Variants in BBX observed in about 807,000 individuals in gnomAD.
BBX encodes the protein BBX high mobility group box domain containing, also known as HMG box transcription factor BBX.
BBX carries 30 observed loss-of-function variants against 100.2 expected under a neutral mutation model. The observed-to-expected ratio is 0.30, with a 90% CI of 0.22 to 0.41. BBX has a LOEUF of 0.41. Among genes scored for constraint, BBX ranks in the 10% least tolerant of loss-of-function variants. BBX has a pLI of 1.00. For missense variants in BBX, 1,023 were observed against 1,129.8 expected, an observed-to-expected ratio of 0.91 and a Z score of 1.35; for synonymous variants, 376 against 388.1, an observed-to-expected ratio of 0.97 and a Z score of 0.37.
At chr3:107,723,670 T>C (rs144749136) in intron 5 of BBX, among the ~76,000 whole-genome samples, 22,603 of 152,076 alleles carry the variant, frequency 0.15, 2,070 homozygotes, top group South Asian at 0.31. Context: ...ATTTGTTTTT[T>C]TGTCCTTGTG....
intron 2 of BBX, among the ~76,000 whole-genome samples, chr3:107,607,287 G>A (rs1286424225): frequency 6.6e-6 from 1 of 152,100 alleles, no homozygotes; most frequent in Admixed American, 6.5e-5. Flanking sequence ...GGTAGAGACA[G>A]GGTTTCACCG....
intron 3 of BBX, among the ~76,000 whole-genome samples, chr3:107,698,724 T>C (rs1043920717): frequency 6.6e-6 from 1 of 151,676 alleles, no homozygotes; most frequent in Admixed American, 6.6e-5. Context: ...GTTCGGTGAT[T>C]GATACAGGAG....
chr3:107,781,543 A>T (rs776262684), intron 13 of BBX, among the ~76,000 whole-genome samples: 5 of 152,114 alleles, frequency 3.3e-5, no homozygotes, highest in African/African-American at 4.8e-5. Flanking sequence ...GCTTTAAATT[A>T]TATGTCTAAA....
In BBX at chr3:107,632,537, G is replaced by T. The variant is rs1404327898; in HGVS notation, c.-83-13299G>T. 2.6e-5 allele frequency among the ~76,000 whole-genome samples: 4 copies of T among 152,082 alleles called. No individual in the cohort carries two copies. The East Asian group carries it at 5.8e-4, about 22-fold the overall frequency. On this transcript the variant is annotated intron_variant, in intron 2 of 17. Coordinates refer to ENST00000325805, the MANE Select transcript of BBX (RefSeq NM_001142568.3). ...ATTTTCTTTTATTGCTTTTATGTCA[G>T]ATGTTTGGAATAACCTTAAGAGAAG...
intron 2 of BBX, among the ~76,000 whole-genome samples, chr3:107,586,035 A>G (rs764866038): frequency 6.6e-6 from 1 of 152,130 alleles, no homozygotes. Context: ...CTTTCATATA[A>G]CTGTATTGTT....
chr3:107,561,596 A>G (rs1318644714), intron 2 of BBX, among the ~76,000 whole-genome samples: 2 of 152,212 alleles, frequency 1.3e-5, no homozygotes, highest in East Asian at 3.8e-4. Context: ...GTGGTCATAG[A>G]AAATACGCAT....
intron 2 of BBX, among the ~76,000 whole-genome samples, chr3:107,542,253 G>A (rs2048915835): frequency 6.6e-6 from 1 of 152,106 alleles, no homozygotes; most frequent in African/African-American, 2.4e-5. Flanking sequence ...TAGAACTCCA[G>A]AACTTCTATT....
At chr3:107,795,822 T>C (rs577069737) in intron 15 of BBX, among the ~76,000 whole-genome samples, 1 of 152,178 alleles carries the variant, frequency 6.6e-6, no homozygotes, top group Admixed American at 6.5e-5. Context: ...CAATCAACCC[T>C]TTTGCAGCTG....
intron 7 of BBX, among the ~76,000 whole-genome samples, chr3:107,743,683 A>G (rs995998582): frequency 5.3e-5 from 8 of 152,228 alleles, no homozygotes; most frequent in Non-Finnish European, 1.0e-4. Context: ...AGCTCTTTCC[A>G]TAGGATTTAT....
chr3:107,728,886 A>T lies in BBX; in HGVS notation c.527A>T (p.Asp176Val). 1 of 1,613,884 alleles carries T rather than the reference A, an allele frequency of 6.2e-7. No individual in the cohort carries two copies. The highest frequency in any genetic ancestry group is 8.5e-7 in the Non-Finnish European group (1 of 1,179,868). The part of the protein sequence containing the change: ...PRKKLWAFPS[D>V]SSRDLPSPKK... ...AAGAAACTTTGGGCCTTCCCATCTGACTCTTCAAGAGACTTGCCAAGCCCC... is the reference window on the plus strand; with the variant it reads ...AAGAAACTTTGGGCCTTCCCATCTGTCTCTTCAAGAGACTTGCCAAGCCCC... The change falls in exon 6 of 18, where the codon GAC becomes GTC. Residue 176 changes from aspartate to valine, a missense_variant. Physicochemically the swap from Asp to Val is radical, Grantham distance 152. Around this residue, in one of 9 missense-constraint regions of BBX, gnomAD observed 229 missense variants for 226.3 expected, o/e 1.01. Coordinates refer to ENST00000325805, the MANE Select transcript of BBX (RefSeq NM_001142568.3).
In BBX at chr3:107,526,179, C is replaced by G. The variant is rs607878; in HGVS notation, c.-155-148C>G. On this transcript the variant is annotated intron_variant, in intron 1 of 17. Coordinates refer to ENST00000325805, the MANE Select transcript of BBX (RefSeq NM_001142568.3). Reference sequence around the variant, plus strand: ...TTCTGTTCCCACAGTTCTCCAGTGTCGGGGGGTGGTAGAGAAAGGGGAGGG... The same window carrying G: ...TTCTGTTCCCACAGTTCTCCAGTGTGGGGGGGTGGTAGAGAAAGGGGAGGG... The G allele has an allele frequency of 1.8e-3, 701 of 395,614 alleles. 3 individuals carry two copies. The highest frequency in any genetic ancestry group is 0.013 in the African/African-American group (625 of 48,610). The allele number at this position is 395,614 out of a possible 1,614,324, so 24.5% of individuals were successfully genotyped here.
intron 5 of BBX, among the ~76,000 whole-genome samples, chr3:107,728,509 A>G (rs1331244125): frequency 1.3e-5 from 2 of 152,090 alleles, no homozygotes; most frequent in Admixed American, 6.6e-5. Flanking sequence ...TTTGGATACT[A>G]TTTTTTAAAG....
intron 5 of BBX, 47 bp downstream of exon 5, chr3:107,716,896 C>G (rs763964738): frequency 6.3e-7 from 1 of 1,590,582 alleles, no homozygotes; most frequent in Non-Finnish European, 8.6e-7. Flanking sequence ...GCAACCAGTC[C>G]TGAAACTCCC....
At chr3:107,542,309 A>G (rs1009586872) in intron 2 of BBX, among the ~76,000 whole-genome samples, 10 of 152,312 alleles carry the variant, frequency 6.6e-5, no homozygotes, top group South Asian at 2.1e-4. Flanking sequence ...TTATTTTAGA[A>G]TGTTTATTTC....
rs560842282 is a variant in BBX at position 107,526,493 on chromosome 3, G to T, written c.-84+95G>T. The T allele has an allele frequency of 1.5e-5, 6 of 396,358 alleles. No individual in the cohort carries two copies. In the South Asian group the frequency reaches 8.3e-4, roughly 55 times the overall value. The allele number at this position is 396,358 out of a possible 1,614,324, so 24.6% of individuals were successfully genotyped here. A position where few individuals can be genotyped will look rare whatever the true frequency, so the allele number is the denominator to read the frequency against. Reference sequence around the variant, plus strand: ...TCACAGAGGAAGATGCTTTATTGGGGTTACAGCACCCCAGAAACCTTGTCT... The same window carrying T: ...TCACAGAGGAAGATGCTTTATTGGGTTTACAGCACCCCAGAAACCTTGTCT... On this transcript the variant is annotated intron_variant, in intron 2 of 17. Transcript: ENST00000325805.
At chr3:107,594,165 C>A (rs1242915931) in intron 2 of BBX, among the ~76,000 whole-genome samples, 2 of 152,154 alleles carry the variant, frequency 1.3e-5, no homozygotes, top group Non-Finnish European at 2.9e-5. Flanking sequence ...TTTTAGGCAT[C>A]TGATAAATTT....
At chr3:107,726,586 A>T (rs1000278289) in intron 5 of BBX, among the ~76,000 whole-genome samples, 4 of 152,150 alleles carry the variant, frequency 2.6e-5, no homozygotes, top group African/African-American at 9.6e-5. Flanking sequence ...ATTGTTTTCC[A>T]TAAAACCCCA....
chr3:107,773,640 A>T lies in BBX; in HGVS notation c.1915+4A>T. 6.3e-7 allele frequency: 1 copy of T among 1,597,988 alleles called. No individual in the cohort carries two copies. The highest frequency in any genetic ancestry group is 8.5e-7 in the Non-Finnish European group (1 of 1,174,156). ...CTGCGAGCTAATGTTGACAGAGGTA[A>T]GTAACTTCTACAAACCTGAAAAGAA... On this transcript the variant is annotated splice_donor_region_variant and intron_variant, in intron 11 of 17. Coordinates refer to ENST00000325805, the MANE Select transcript of BBX (RefSeq NM_001142568.3). The surrounding 1 kb of genome is among the most constrained non-coding windows in gnomAD (Gnocchi z 4.1).
At chr3:107,547,647 T>A (rs551582988) in intron 2 of BBX, among the ~76,000 whole-genome samples, 1 of 152,280 alleles carries the variant, frequency 6.6e-6, no homozygotes, top group East Asian at 1.9e-4. Flanking sequence ...CCCGGCACTC[T>A]TCTGTGTACT....
Sources: allele counts gnomAD v4.1 joint callset (sites outside exome capture counted in the v4.1 genomes callset), GRCh38; gene constraint gnomAD v4.1.1; regional missense constraint gnomAD v4.1.1; non-coding constraint Gnocchi (gnomAD v3.1); transcripts MANE v1.5; gene names NCBI Gene and HGNC (gene_info 2026-07-23, HGNC 2026-07-21).